PLXDC2: variants seen among roughly 807,000 people sequenced by gnomAD.
The protein encoded by PLXDC2 is plexin domain-containing protein 2.
PLXDC2 carries 40 observed loss-of-function variants against 68.9 expected under a neutral mutation model. The observed-to-expected ratio is 0.58, with a 90% confidence interval of 0.45 to 0.76. PLXDC2 has a LOEUF of 0.76. Among genes scored for constraint, PLXDC2 ranks in the 30% least tolerant of loss-of-function variants. The pLI is 0.00. For synonymous variants in PLXDC2, 243 were observed against 234.2 expected, an observed-to-expected ratio of 1.04 and a Z score of -0.34; for missense variants, 644 against 661.9, an observed-to-expected ratio of 0.97 and a Z score of 0.30.
At chr10:19,871,569 A>G (rs1239500403) in intron 1 of PLXDC2, among the ~76,000 whole-genome samples, 1 of 152,122 alleles carries the variant, frequency 6.6e-6, no homozygotes, top group Non-Finnish European at 1.5e-5. Context: ...TTTGGCTCCC[A>G]TGAGTCTTTT....
intron 1 of PLXDC2, among the ~76,000 whole-genome samples, chr10:19,990,834 G>A (rs1278966188): frequency 3.3e-5 from 5 of 151,998 alleles, no homozygotes; most frequent in South Asian, 2.1e-4. Flanking sequence ...GAAATTCTTG[G>A]GAACTTTATT....
At chr10:19,947,950 T>G (rs568834483) in intron 1 of PLXDC2, among the ~76,000 whole-genome samples, 3 of 152,270 alleles carry the variant, frequency 2.0e-5, no homozygotes, top group African/African-American at 7.2e-5. Context: ...ATGAGTCTTG[T>G]GAAATTAAGG....
chr10:19,944,626 C>T (rs558739655), intron 1 of PLXDC2, among the ~76,000 whole-genome samples: 2 of 152,200 alleles, frequency 1.3e-5, no homozygotes, highest in African/African-American at 4.8e-5. Flanking sequence ...AGGAAAGTGA[C>T]GTACAGAAAA....
intron 3 of PLXDC2, among the ~76,000 whole-genome samples, chr10:20,064,117 C>CT (rs200616600): frequency 0.13 from 18,942 of 147,880 alleles, 1,329 homozygotes; most frequent in South Asian, 0.31. Flanking sequence ...TTTCTTGAAT[C>CT]TTTTTTTTTT....
intron 4 of PLXDC2, among the ~76,000 whole-genome samples, chr10:20,126,482 T>C (rs376798707): frequency 0.042 from 981 of 23,348 alleles, 127 homozygotes; most frequent in African/African-American, 0.15. Context: ...TATGTATATA[T>C]AACACACACG....
In PLXDC2 at chr10:20,242,178, A is replaced by G. The variant is rs143937157; in HGVS notation, c.1313-3167A>G. 4.1e-3 allele frequency among the ~76,000 whole-genome samples: 627 copies of G among 152,330 alleles called. 7 individuals are homozygous for G. The highest frequency in any genetic ancestry group is 0.014 in the African/African-American group (588 of 41,572). The stretch of plus-strand genomic sequence containing the variant: ...ACTGTGTCATACTCTTATAAAAATA[A>G]GAAAATAGACAAGTCCACAAGATGC... On this transcript the variant is annotated intron_variant, in intron 12 of 13. Coordinates refer to ENST00000377252, the MANE Select transcript of PLXDC2 (RefSeq NM_032812.9).
intron 12 of PLXDC2, among the ~76,000 whole-genome samples, chr10:20,228,809 A>T (rs905080949): frequency 6.6e-6 from 1 of 152,214 alleles, no homozygotes; most frequent in African/African-American, 2.4e-5. Context: ...CCAAAAGAGA[A>T]TAAAATTTCA....
intron 13 of PLXDC2, among the ~76,000 whole-genome samples, chr10:20,260,774 G>A (rs947880962): frequency 1.3e-5 from 2 of 152,194 alleles, no homozygotes; most frequent in Admixed American, 6.5e-5. Context: ...AACTTCATAC[G>A]TTTTCCATAA....
At chr10:19,942,731 TACTCCA>T (rs1833839375) in intron 1 of PLXDC2, among the ~76,000 whole-genome samples, 1 of 152,160 alleles carries the variant, frequency 6.6e-6, no homozygotes, top group African/African-American at 2.4e-5. Context: ...GGCACCACTG[TACTCCA>T]ACCTGAGTGA....
At chr10:20,107,919 A>G (rs1833512490) in intron 4 of PLXDC2, among the ~76,000 whole-genome samples, 1 of 152,210 alleles carries the variant, frequency 6.6e-6, no homozygotes, top group Non-Finnish European at 1.5e-5. Context: ...ATTATGCCTA[A>G]GGAAATTATT....
chr10:19,905,211 G>A (rs1232368432), intron 1 of PLXDC2, among the ~76,000 whole-genome samples: 1 of 152,120 alleles, frequency 6.6e-6, no homozygotes, highest in African/African-American at 2.4e-5. Flanking sequence ...TATTTTAATT[G>A]GTGTATGAAT....
chr10:19,947,171 A>C (rs932862527), intron 1 of PLXDC2, among the ~76,000 whole-genome samples: 9 of 152,162 alleles, frequency 5.9e-5, no homozygotes, highest in Non-Finnish European at 8.8e-5. Context: ...AACAACAAAA[A>C]ATTGAATTAT....
At chr10:20,036,349 A>C (rs1303216830) in intron 2 of PLXDC2, among the ~76,000 whole-genome samples, 1 of 152,182 alleles carries the variant, frequency 6.6e-6, no homozygotes, top group Non-Finnish European at 1.5e-5. Flanking sequence ...CACAGGGAGA[A>C]AGCAGCCCTT....
chr10:20,104,844 A>G (rs1280870259), intron 4 of PLXDC2, among the ~76,000 whole-genome samples: 1 of 152,020 alleles, frequency 6.6e-6, no homozygotes, highest in Non-Finnish European at 1.5e-5. Context: ...CGAAGTCAGG[A>G]GATCGAGACC....
chr10:20,096,150 G>T (rs1282701373), intron 4 of PLXDC2, among the ~76,000 whole-genome samples: 1 of 152,144 alleles, frequency 6.6e-6, no homozygotes, highest in Non-Finnish European at 1.5e-5. Flanking sequence ...TAAAAGGAGG[G>T]CACGGTGTGA....
chr10:19,938,162 A>G (rs919379820), intron 1 of PLXDC2, among the ~76,000 whole-genome samples: 2 of 152,182 alleles, frequency 1.3e-5, no homozygotes, highest in East Asian at 1.9e-4. Context: ...CATAATTTGC[A>G]TAATCCCCTA....
Position 20,281,428 on chromosome 10 carries a change from A to G in PLXDC2, c.*1609A>G, listed in dbSNP as rs1267554167. 6.6e-6 allele frequency: 1 copy of G among 152,192 alleles called. No homozygotes were observed. Among genetic ancestry groups the G allele is most frequent in the African/African-American group, 2.4e-5 (1 of 41,460 alleles). 9.4% of individuals were successfully genotyped at this position (152,192 alleles called of 1,614,324 possible). A position where few individuals can be genotyped will look rare whatever the true frequency, so the allele number is the denominator to read the frequency against. Reference sequence around the variant, plus strand: ...GTAAGGTACAGTGCTCAACATTTGCAGATTCAGGTCTCAAGAAGCAGAGAT... The same window carrying G: ...GTAAGGTACAGTGCTCAACATTTGCGGATTCAGGTCTCAAGAAGCAGAGAT... On this transcript the variant is annotated 3_prime_UTR_variant, in exon 14 of 14. Transcript: ENST00000377252.
At chr10:19,999,595 C>G (rs1350267385) in intron 1 of PLXDC2, among the ~76,000 whole-genome samples, 3 of 151,978 alleles carry the variant, frequency 2.0e-5, no homozygotes, top group Non-Finnish European at 4.4e-5. Flanking sequence ...CTACATGACT[C>G]TTTGTGTTTG....
chr10:19,889,682 T>C (rs1837914944), intron 1 of PLXDC2, among the ~76,000 whole-genome samples: 1 of 152,174 alleles, frequency 6.6e-6, no homozygotes. Flanking sequence ...CTTGGAATAT[T>C]GCAACTTTAA....
Sources: gnomAD v4.1 joint callset for allele counts (sites outside exome capture counted in the v4.1 genomes callset) on GRCh38, gnomAD v4.1.1 for gene constraint, MANE v1.5 for transcripts, NCBI Gene and HGNC (gene_info 2026-07-23, HGNC 2026-07-21) for gene names.